The following PTCH2 variants were observed in gnomAD, a reference collection of about 807,000 sequenced individuals.
PTCH2 encodes the protein protein patched homolog 2.
PTCH2 carries 96 observed loss-of-function variants against 117.9 expected under a neutral mutation model. The observed-to-expected ratio is 0.81, with a 90% CI of 0.69 to 0.96. The LOEUF (loss-of-function observed/expected upper bound fraction) is 0.96, where lower values mean the gene tolerates loss of function less well. Ranked by LOEUF, PTCH2 falls within the 50% of genes least tolerant of loss-of-function variation. The pLI is 0.00. For synonymous variants in PTCH2, 615 were observed against 660.9 expected (o/e 0.93, Z 1.06); for missense variants, 1,379 against 1,562.5 (o/e 0.88, Z 1.98).
rs144449175 is a variant in PTCH2, at chr1:44,827,250, G to A, written c.2431C>T (p.Arg811Cys). 3.0e-5 allele frequency: 48 copies of A among 1,614,034 alleles called. 1 individual carries two copies. Among genetic ancestry groups the A allele is most frequent in the African/African-American group, 1.9e-4 (14 of 74,932 alleles). ...ASGRITRHSY[R>C]NGSEDGALAY... ...AGGGCCCCATCCTCAGAGCCATTGC[G>A]GTACGAGTGGCGGGTGATGCGCCCA... is the stretch of plus-strand genomic sequence containing the variant. The change falls in exon 16 of 22, where the codon CGC becomes TGC. Residue 811 changes from arginine (R) to cysteine (C), a missense_variant. Physicochemically the swap from Arg to Cys is radical, Grantham distance 180 (BLOSUM62 -3). Coordinates refer to ENST00000372192, the MANE Select transcript of PTCH2 (RefSeq NM_003738.5).
At chr1:44,836,661 A>G (rs1184211577) in intron 2 of PTCH2, among the ~76,000 whole-genome samples, 1 of 151,834 alleles carries the variant, frequency 6.6e-6, no homozygotes, top group Non-Finnish European at 1.5e-5. Flanking sequence ...GCTGAGGTCA[A>G]TCCACTGCAC....
chr1:44,820,187 T>G (rs1652857694), downstream of PTCH2: 1 of 352,104 alleles, frequency 2.8e-6, no homozygotes, highest in Non-Finnish European at 5.7e-6. Flanking sequence ...AGGGTATCTT[T>G]TCGTGGTGCA....
At chr1:44,827,768 G>A (rs1410484388) in intron 14 of PTCH2, 54 bp from the exon 15 acceptor site, 1 of 1,611,696 alleles carries the variant, frequency 6.2e-7, no homozygotes, top group Non-Finnish European at 8.5e-7. Context: ...CAGCCCCTCA[G>A]GCAGTGGACT....
At chr1:44,828,674 G>C in intron 11 of PTCH2, 43 bp from the exon 12 acceptor site, 1 of 1,597,028 alleles carries the variant, frequency 6.3e-7, no homozygotes, top group Non-Finnish European at 8.5e-7. Flanking sequence ...TCACAAGGGA[G>C]GGGCCGTGTC....
Position 44,827,902 on chromosome 1 carries a change from T to G in PTCH2, c.1999A>C (p.Asn667His), listed in dbSNP as rs1441328303. The change falls in exon 14 of 22, where the codon AAT (asparagine) becomes CAT (histidine). Residue 667 changes from asparagine (N) to histidine (H), a missense_variant. By Grantham distance (68) the Asn-to-His change is moderately conservative. Transcript: ENST00000372192. ...ACKSLPCARW[N>H]LAHFARYQFA... is the part of the protein sequence containing the mutation. ...TGATAGCGGGCGAAATGGGCAAGAT[T>G]CCAGCGGGCACAGGGCAGGGACTTG... 2.5e-6 allele frequency: 4 copies of G among 1,614,060 alleles called. No homozygotes were observed. The African/African-American group carries it at 5.3e-5, about 22-fold the overall frequency.
At chr1:44,836,707 G>A (rs1007550877) in intron 2 of PTCH2, among the ~76,000 whole-genome samples, 4 of 151,096 alleles carry the variant, frequency 2.6e-5, no homozygotes, top group Non-Finnish European at 5.9e-5. Context: ...TCTGTCTCGG[G>A]GGATGGAAAA....
At position 44,827,488 on chromosome 1, in the gene PTCH2, C is replaced by A; in HGVS notation, c.2285G>T (p.Arg762Leu). The change falls in exon 15 of 22, where the codon CGC becomes CTC. Residue 762 changes from arginine to leucine, a missense_variant. Arg to Leu is a moderately radical substitution (Grantham distance 102). Transcript: ENST00000372192. Reference sequence around the variant, plus strand: ...CAGCACCGCCTTGAGGGAACTGAAGCGCTGGTGCAGATCAAAGAGGGCGCG... The same window carrying A: ...CAGCACCGCCTTGAGGGAACTGAAGAGCTGGTGCAGATCAAAGAGGGCGCG... The part of the protein sequence containing the change: ...SQRALFDLHQ[R>L]FSSLKAVLPP... The A allele has an allele frequency of 6.2e-7, 1 of 1,613,968 alleles. No homozygotes were observed. Among genetic ancestry groups the A allele is most frequent in the Non-Finnish European group, 8.5e-7 (1 of 1,179,918 alleles).
At position 44,828,605 on chromosome 1, in the gene PTCH2, G is replaced by A. The variant is rs1218382325; in HGVS notation, c.1491C>T (p.Arg497=). 6.2e-7 allele frequency: 1 copy of A among 1,613,514 alleles called. No homozygotes were observed. Among genetic ancestry groups the A allele is most frequent in the Non-Finnish European group, 8.5e-7 (1 of 1,179,768 alleles). ...ATGTGAGTACGACACTGGTGCCCGT[G>A]CGCTGCAGACACTCGCCCATGCGCT... ...LQERMGECLQ[R]TGTSVVLTSI... The change falls in exon 12 of 22, where the codon CGC becomes CGT. Residue 497 remains arginine (R), a synonymous_variant. Coordinates refer to ENST00000372192, the MANE Select transcript of PTCH2 (RefSeq NM_003738.5).
In PTCH2 at chr1:44,831,036, G is replaced by C; in HGVS notation, c.625C>G (p.Pro209Ala). 6.2e-7 allele frequency: 1 copy of C among 1,611,076 alleles called. No homozygotes were observed. Among genetic ancestry groups the C allele is most frequent in the South Asian group, 1.1e-5 (1 of 90,894 alleles). ...TCCAGGTTGGTCCACTGGATATCCG[G>C]GCGGCCGCTGAGGGAAAAGCCTATA... ...QGGSAYLPGR[P>A]DIQWTNLDPE... The change falls in exon 6 of 22, where the codon CCG (proline) becomes GCG (alanine). Residue 209 changes from proline (P) to alanine (A), a missense_variant. By Grantham distance (27) the Pro-to-Ala change is conservative. Coordinates refer to ENST00000372192, the MANE Select transcript of PTCH2 (RefSeq NM_003738.5). The surrounding 1 kb of genome is among the most constrained non-coding windows in gnomAD (Gnocchi z 4.3).
At chr1:44,828,843 C>A in intron 11 of PTCH2, 139 bp downstream of exon 11, 1 of 1,194,930 alleles carries the variant, frequency 8.4e-7, no homozygotes. Flanking sequence ...CCTTAGGACA[C>A]AGCACTATTA....
chr1:44,842,682 G>A (rs1390796364), intron 1 of PTCH2, among the ~76,000 whole-genome samples, 179 bp downstream of exon 1: 2 of 152,230 alleles, frequency 1.3e-5, no homozygotes, highest in Admixed American at 6.5e-5. Context: ...GCCAGACGAT[G>A]AGGAGACACC....
Position 44,831,682 on chromosome 1 carries a change from C to G in PTCH2, c.617+24G>C, listed in dbSNP as rs1233065369. On this transcript the variant is annotated intron_variant, in intron 5 of 21. Transcript: ENST00000372192. This position sits in a 1 kb window ranked among gnomAD's most constrained non-coding sequence, Gnocchi z 4.3. ...GGAGAGTCCCCAGCGGGAGATGAAG[C>G]AGGGCCCCAGGAGTGGCACTCACGG... 6.5e-7 allele frequency: 1 copy of G among 1,537,734 alleles called. No homozygotes were observed.
intron 2 of PTCH2, among the ~76,000 whole-genome samples, chr1:44,834,491 A>C (rs1004536266): frequency 1.3e-5 from 2 of 152,134 alleles, no homozygotes; most frequent in African/African-American, 4.8e-5. Context: ...TTATTTCACC[A>C]AGATTAGGCC....
At position 44,842,916 on chromosome 1, in the gene PTCH2, G is replaced by C; in HGVS notation, c.17C>G (p.Pro6Arg). Residue 6 changes from proline (P) to arginine (R), a missense_variant, in exon 1 of 22, where the codon CCC (proline) becomes CGC (arginine). By Grantham distance (103) the Pro-to-Arg change is moderately radical. Coordinates refer to ENST00000372192, the MANE Select transcript of PTCH2 (RefSeq NM_003738.5). MTRSP[P>R]LRELPPSYTP... ...GTAACTCGGGGGCAGCTCTCTGAGG[G>C]GCGGCGATCGAGTCATGCTGGCGGG... 1.3e-6 allele frequency: 2 copies of C among 1,548,716 alleles called. No individual in the cohort carries two copies. Among genetic ancestry groups the C allele is most frequent in the Non-Finnish European group, 1.7e-6 (2 of 1,145,862 alleles).
At position 44,831,573 on chromosome 1, in the gene PTCH2, G is replaced by A. The variant is rs929585557; in HGVS notation, c.617+133C>T. ...TGGAGAGAGCCTTGGGGAAGCCCAT[G>A]CTCTCTGTTCCTGGCCTGGGAGGTA... is the stretch of plus-strand genomic sequence containing the variant. On this transcript the variant is annotated intron_variant, in intron 5 of 21. Transcript: ENST00000372192. The surrounding 1 kb of genome is among the most constrained non-coding windows in gnomAD (Gnocchi z 4.3). 2 of 880,244 alleles carry A rather than the reference G, an allele frequency of 2.3e-6. No individual in the cohort carries two copies. Among genetic ancestry groups the A allele is most frequent in the South Asian group, 1.5e-5 (1 of 67,836 alleles). The allele number at this position is 880,244 out of a possible 1,614,324, so 54.5% of individuals were successfully genotyped here.
At position 44,827,019 on chromosome 1, in the gene PTCH2, G is replaced by A. The variant is rs2148874755; in HGVS notation, c.2578C>T (p.Leu860=). 1 of 1,614,114 alleles carries A rather than the reference G, an allele frequency of 6.2e-7. No homozygotes were observed. Among genetic ancestry groups the A allele is most frequent in the Non-Finnish European group, 8.5e-7 (1 of 1,180,016 alleles). The change falls in exon 17 of 22, where the codon CTG becomes TTG. Residue 860 remains leucine, a synonymous_variant. Coordinates refer to ENST00000372192, the MANE Select transcript of PTCH2 (RefSeq NM_003738.5). ...GGGTCACTGCTCACCCACACGGTCA[G>A]CCCCATGTAGAAGAGCTCGGGTGGA... ...LIPPELFYMG[L]TVWVSSDPLG... is the part of the protein sequence containing the mutation.
At position 44,821,964 on chromosome 1, in the gene PTCH2, C is replaced by A. The variant is rs1652928465; in HGVS notation, c.*451G>T. 7.6e-7 allele frequency: 1 copy of A among 1,316,094 alleles called. No homozygotes were observed. The highest frequency in any genetic ancestry group is 1.5e-5 in the African/African-American group (1 of 65,268). The allele number at this position is 1,316,094 out of a possible 1,614,324, so 81.5% of individuals were successfully genotyped here. A position where few individuals can be genotyped will look rare whatever the true frequency, so the allele number is the denominator to read the frequency against. ...TAGTTCACATAGAATATATTTCATT[C>A]TTTAAAAAATAAAACTTTCATCATA... On this transcript the variant is annotated 3_prime_UTR_variant, in exon 22 of 22. Coordinates refer to ENST00000372192, the MANE Select transcript of PTCH2 (RefSeq NM_003738.5).
intron 2 of PTCH2, among the ~76,000 whole-genome samples, chr1:44,834,828 C>G (rs565900391): frequency 6.6e-6 from 1 of 152,292 alleles, no homozygotes; most frequent in South Asian, 2.1e-4. Context: ...CTCTGGGTCT[C>G]CAGCTCCTCA....
At chr1:44,841,749 A>T in intron 2 of PTCH2, 98 bp downstream of exon 2, 1 of 1,389,338 alleles carries the variant, frequency 7.2e-7, no homozygotes, top group Non-Finnish European at 1.0e-6. Flanking sequence ...CTCCAGCCCC[A>T]GGGCCAGGCC....
Sources: gnomAD v4.1 joint callset for allele counts (sites outside exome capture counted in the v4.1 genomes callset) on GRCh38, gnomAD v4.1.1 for gene constraint, Gnocchi (gnomAD v3.1) non-coding constraint, MANE v1.5 for transcripts, NCBI Gene and HGNC (gene_info 2026-07-23, HGNC 2026-07-21) for gene names.